The following TPRG1 variants were observed in gnomAD, a reference collection of about 807,000 sequenced individuals.
The protein encoded by TPRG1 is tumor protein p63-regulated gene 1 protein.
In TPRG1, 29 loss-of-function variants were observed where a neutral mutation model predicts 29.3. That is an observed-to-expected ratio of 0.99 (90% CI 0.74 to 1.35). The LOEUF (loss-of-function observed/expected upper bound fraction) is 1.35, where lower values mean the gene tolerates loss of function less well. Ranked by LOEUF, TPRG1 falls within the 40% of genes most tolerant of loss-of-function variation. TPRG1 has a pLI of 0.00. For missense variants in TPRG1, 327 were observed against 335.0 expected, an observed-to-expected ratio of 0.98 and a Z score of 0.19; for synonymous variants, 130 against 116.8, an observed-to-expected ratio of 1.11 and a Z score of -0.73.
intron 4 of TPRG1, among the ~76,000 whole-genome samples, chr3:189,045,109 A>C (rs570235326): frequency 7.9e-5 from 12 of 152,308 alleles, no homozygotes; most frequent in African/African-American, 2.9e-4. Context: ...TGTGCCCTTC[A>C]TGGGTTAAGG....
chr3:189,262,702 T>C (rs1713340520), intron 4 of TPRG1, among the ~76,000 whole-genome samples: 1 of 152,220 alleles, frequency 6.6e-6, no homozygotes, highest in Non-Finnish European at 1.5e-5. Context: ...AAAATAAACA[T>C]TTATTACTCT....
At chr3:189,077,121 G>A (rs192093792) in intron 4 of TPRG1, among the ~76,000 whole-genome samples, 101 of 152,116 alleles carry the variant, frequency 6.6e-4, no homozygotes, top group East Asian at 3.9e-3. Context: ...AGAGTGTTCC[G>A]CAGTTTTTTA....
chr3:189,212,693 T>C (rs1173930767), intron 2 of TPRG1, among the ~76,000 whole-genome samples: 2 of 152,212 alleles, frequency 1.3e-5, no homozygotes, highest in Non-Finnish European at 2.9e-5. Flanking sequence ...GCTGATTTTC[T>C]TACTTTATGT....
chr3:189,112,436 G>A (rs1287056945), intron 1 of TPRG1, among the ~76,000 whole-genome samples: 4 of 152,068 alleles, frequency 2.6e-5, no homozygotes, highest in East Asian at 1.9e-4. Flanking sequence ...TGTTTTAGAC[G>A]TGAAGTCCTT....
chr3:189,176,830 A>C (rs1729547566), intron 1 of TPRG1, among the ~76,000 whole-genome samples: 1 of 152,218 alleles, frequency 6.6e-6, no homozygotes, highest in Non-Finnish European at 1.5e-5. Flanking sequence ...TAGAAGTTAG[A>C]TGATTGTGGA....
chr3:189,215,099 T>G (rs1309664951), intron 2 of TPRG1, among the ~76,000 whole-genome samples, 193 bp from the exon 3 acceptor site: 1 of 152,108 alleles, frequency 6.6e-6, no homozygotes, highest in Non-Finnish European at 1.5e-5. Flanking sequence ...TCACTTTTTC[T>G]CTACCCAAGG....
At chr3:189,168,418 G>C (rs1258145942), upstream of TPRG1, among the ~76,000 whole-genome samples, 1 of 152,090 alleles carries the variant, frequency 6.6e-6, no homozygotes, top group African/African-American at 2.4e-5. Context: ...GGCCTTGTAG[G>C]GCTGTGAAGG....
At chr3:189,284,539 A>AT (rs1269905672) in intron 4 of TPRG1, among the ~76,000 whole-genome samples, 1 of 152,050 alleles carries the variant, frequency 6.6e-6, no homozygotes, top group Admixed American at 6.5e-5. Flanking sequence ...TGAACTCATC[A>AT]TTTTTTATGG....
At chr3:189,020,277 T>C (rs1430492833) in intron 3 of TPRG1, among the ~76,000 whole-genome samples, 1 of 151,304 alleles carries the variant, frequency 6.6e-6, no homozygotes, top group Non-Finnish European at 1.5e-5. Flanking sequence ...CTGCTAGCTT[T>C]TGAATGTGTT....
At chr3:189,140,475 T>C (rs1724398231) in intron 3 of TPRG1, among the ~76,000 whole-genome samples, 1 of 152,140 alleles carries the variant, frequency 6.6e-6, no homozygotes. Context: ...TTGCTATTAC[T>C]TAGTATTAAT....
At chr3:189,058,420 C>T (rs757626567) in intron 4 of TPRG1, among the ~76,000 whole-genome samples, 45 of 152,074 alleles carry the variant, frequency 3.0e-4, no homozygotes, top group Non-Finnish European at 5.1e-4. Context: ...CAGTAATAGG[C>T]GGAAAGTGAA....
chr3:189,318,805 G>T lies in TPRG1; in HGVS notation c.634-1821G>T, dbSNP rs567799225. Among the ~76,000 whole-genome samples, 10 of 152,174 alleles carry T rather than the reference G, an allele frequency of 6.6e-5. 1 individual carries two copies. The South Asian group carries it at 1.7e-3, about 25-fold the overall frequency. On this transcript the variant is annotated intron_variant, in intron 5 of 5. Transcript: ENST00000345063. Reference sequence around the variant, plus strand: ...GAGATCTAGTGTTCTAAAGAACATGGTTTAAAAATTAATGAATGTAATATT... The same window carrying T: ...GAGATCTAGTGTTCTAAAGAACATGTTTTAAAAATTAATGAATGTAATATT...
chr3:189,278,599 A>T (rs775791268), intron 4 of TPRG1, among the ~76,000 whole-genome samples: 1 of 152,242 alleles, frequency 6.6e-6, no homozygotes, highest in Non-Finnish European at 1.5e-5. Flanking sequence ...AGGACTTAGG[A>T]AACCTAAACC....
At chr3:189,312,685 G>A (rs13314543) in intron 5 of TPRG1, among the ~76,000 whole-genome samples, 41,623 of 152,010 alleles carry the variant, frequency 0.27, 6,225 homozygotes, top group Middle Eastern at 0.35. Context: ...ACATCTGATT[G>A]TGCTTTATCT....
chr3:189,200,621 C>T (rs980103364), intron 1 of TPRG1, among the ~76,000 whole-genome samples: 1 of 152,300 alleles, frequency 6.6e-6, no homozygotes, highest in Non-Finnish European at 1.5e-5. Flanking sequence ...ACAGAGTCAT[C>T]GTTCTTGTTA....
intron 3 of TPRG1, among the ~76,000 whole-genome samples, chr3:189,138,809 T>A (rs1209703341): frequency 6.6e-6 from 1 of 152,174 alleles, no homozygotes; most frequent in Non-Finnish European, 1.5e-5. Flanking sequence ...GAGGGCTTTA[T>A]GCATATAAGA....
At chr3:189,128,528 A>G (rs1722748890) in intron 2 of TPRG1, among the ~76,000 whole-genome samples, 3 of 152,242 alleles carry the variant, frequency 2.0e-5, no homozygotes, top group Admixed American at 2.0e-4. Context: ...TGGCAACTGT[A>G]GTTGAATGAG....
intron 1 of TPRG1, among the ~76,000 whole-genome samples, chr3:189,182,382 T>G (rs1228351520): frequency 5.9e-5 from 9 of 152,200 alleles, no homozygotes; most frequent in Non-Finnish European, 2.9e-5. Flanking sequence ...TCCAAGCTCA[T>G]AACTTAAAAA....
intron 4 of TPRG1, among the ~76,000 whole-genome samples, chr3:189,075,412 A>G (rs1717103102): frequency 6.6e-6 from 1 of 152,180 alleles, no homozygotes; most frequent in Non-Finnish European, 1.5e-5. Context: ...TAGGATTTAC[A>G]GGAGTGAGCC....
Sources: gnomAD v4.1 joint callset for allele counts (sites outside exome capture counted in the v4.1 genomes callset) on GRCh38, gnomAD v4.1.1 for gene constraint, MANE v1.5 for transcripts, NCBI Gene and HGNC (gene_info 2026-07-23, HGNC 2026-07-21) for gene names.